The following FRS2 variants were observed in gnomAD, a reference collection of about 807,000 sequenced individuals.
The protein encoded by FRS2 is fibroblast growth factor receptor substrate 2, also known as FGFR signalling adaptor.
FRS2 carries 8 observed loss-of-function variants against 43.9 expected under a neutral mutation model. The observed-to-expected ratio is 0.18, with a 90% CI of 0.11 to 0.33. The LOEUF (loss-of-function observed/expected upper bound fraction) is 0.33. Among genes scored for constraint, FRS2 ranks in the 10% least tolerant of loss-of-function variants. The pLI, the probability that FRS2 is intolerant of heterozygous loss-of-function variation, is 1.00. For synonymous variants in FRS2, 219 were observed against 220.3 expected (o/e 0.99, Z 0.05); for missense variants, 534 against 627.6 (o/e 0.85, Z 1.59).
In FRS2 at chr12:69,574,343, G is replaced by C; in HGVS notation, c.915G>C (p.Val305=). The C allele has an allele frequency of 6.2e-7, 1 of 1,613,988 alleles. No homozygotes were observed. Among genetic ancestry groups the C allele is most frequent in the Non-Finnish European group, 8.5e-7 (1 of 1,179,830 alleles). The change falls in exon 9 of 9, where the codon GTG becomes GTC. Residue 305 remains valine (V), a synonymous_variant. Coordinates refer to ENST00000549921, the MANE Select transcript of FRS2 (RefSeq NM_001278356.2). ...ATGCACCCTCTGTTAACAAACTGGTGTATGAAAATATAAATGGGCTATCTA... is the reference window on the plus strand; with the variant it reads ...ATGCACCCTCTGTTAACAAACTGGTCTATGAAAATATAAATGGGCTATCTA... The part of the protein sequence containing the change: ...RRDAPSVNKL[V]YENINGLSIP...
intron 1 of FRS2, among the ~76,000 whole-genome samples, chr12:69,485,943 A>AT (rs957085995): frequency 3.9e-5 from 6 of 152,134 alleles, no homozygotes; most frequent in African/African-American, 1.4e-4. Context: ...AAAAAATAAC[A>AT]TTTTTTTATT....
chr12:69,474,000 G>A (rs904461293), intron 1 of FRS2, among the ~76,000 whole-genome samples: 1 of 152,072 alleles, frequency 6.6e-6, no homozygotes, highest in Non-Finnish European at 1.5e-5. Flanking sequence ...TCACCACCAC[G>A]CCCAGCTAAC....
chr12:69,571,160 G>A (rs893015203), intron 6 of FRS2, 116 bp from the exon 7 acceptor site: 21 of 600,478 alleles, frequency 3.5e-5, no homozygotes, highest in Admixed American at 2.1e-4. Context: ...ATTTAAAAGG[G>A]ATTTCTGACT....
intron 3 of FRS2, among the ~76,000 whole-genome samples, chr12:69,549,087 C>G (rs766925136): frequency 3.3e-5 from 5 of 152,038 alleles, no homozygotes; most frequent in Non-Finnish European, 7.4e-5. Context: ...AAATGAAGAA[C>G]ATAATTATTT....
intron 4 of FRS2, among the ~76,000 whole-genome samples, chr12:69,565,800 C>T (rs1165742944): frequency 1.3e-5 from 2 of 151,768 alleles, no homozygotes; most frequent in South Asian, 2.1e-4. Flanking sequence ...GAAGGACTTG[C>T]CTGAGGCTGT....
At chr12:69,487,718 T>C (rs1392479625) in intron 1 of FRS2, among the ~76,000 whole-genome samples, 1 of 152,254 alleles carries the variant, frequency 6.6e-6, no homozygotes. Flanking sequence ...GTAGTGATTC[T>C]TCTGATGGAT....
At chr12:69,473,598 T>A (rs1407650262) in intron 1 of FRS2, among the ~76,000 whole-genome samples, 1 of 152,218 alleles carries the variant, frequency 6.6e-6, no homozygotes, top group Non-Finnish European at 1.5e-5. Context: ...TAAGTGCTGC[T>A]TTTAGAAGTT....
At chr12:69,567,699 G>A (rs1203139228) in intron 4 of FRS2, among the ~76,000 whole-genome samples, 1 of 152,164 alleles carries the variant, frequency 6.6e-6, no homozygotes, top group Non-Finnish European at 1.5e-5. Flanking sequence ...GCATCCTAGA[G>A]GAACTGCACT....
At chr12:69,507,916 C>T (rs557863482) in intron 1 of FRS2, among the ~76,000 whole-genome samples, 1 of 149,968 alleles carries the variant, frequency 6.7e-6, no homozygotes, top group South Asian at 2.1e-4. Flanking sequence ...CCCAGCTACT[C>T]AGGAGGCTGA....
chr12:69,553,153 C>T (rs1053245147), intron 3 of FRS2, among the ~76,000 whole-genome samples: 2 of 152,094 alleles, frequency 1.3e-5, no homozygotes, highest in African/African-American at 4.8e-5. Flanking sequence ...CTCACTGCAA[C>T]CTCCGCCTCC....
At chr12:69,529,113 A>G (rs1876540924) in intron 1 of FRS2, among the ~76,000 whole-genome samples, 1 of 152,200 alleles carries the variant, frequency 6.6e-6, no homozygotes, top group Non-Finnish European at 1.5e-5. Flanking sequence ...GAAGAATGAC[A>G]TGATCTGACT....
rs185621125 is a variant in FRS2, at chr12:69,579,474, G to A, written c.*4519G>A. ...TAATTGAATTTAGTTCAAGGGCTAA[G>A]CAACACATTTTTAAATCCTTATTTA... On this transcript the variant is annotated 3_prime_UTR_variant, in exon 9 of 9. Transcript: ENST00000549921. 1 of 152,724 alleles carries A rather than the reference G, an allele frequency of 6.5e-6. No individual in the cohort carries two copies. The highest frequency in any genetic ancestry group is 1.5e-5 in the Non-Finnish European group (1 of 68,018). The allele number at this position is 152,724 out of a possible 1,614,324, so 9.5% of individuals were successfully genotyped here.
chr12:69,549,597 C>G (rs1455272197), intron 3 of FRS2, among the ~76,000 whole-genome samples: 1 of 152,202 alleles, frequency 6.6e-6, no homozygotes, highest in Non-Finnish European at 1.5e-5. Flanking sequence ...GAACTCAGTT[C>G]TTTGTTGGGC....
intron 1 of FRS2, among the ~76,000 whole-genome samples, chr12:69,513,646 A>G (rs1454413899): frequency 6.6e-6 from 1 of 152,146 alleles, no homozygotes; most frequent in Non-Finnish European, 1.5e-5. Flanking sequence ...TAGATATTTT[A>G]CTGAGTTATT....
At chr12:69,558,073 T>C (rs948936733) in intron 3 of FRS2, among the ~76,000 whole-genome samples, 3 of 152,090 alleles carry the variant, frequency 2.0e-5, no homozygotes, top group Non-Finnish European at 4.4e-5. Context: ...ACAAAATACA[T>C]GATTAAAAGG....
chr12:69,493,723 A>G (rs1162279912), intron 1 of FRS2, among the ~76,000 whole-genome samples: 2 of 152,174 alleles, frequency 1.3e-5, no homozygotes, highest in African/African-American at 4.8e-5. Context: ...CTCCGCCTCA[A>G]AAACAAAACA....
intron 1 of FRS2, among the ~76,000 whole-genome samples, chr12:69,506,302 A>G (rs1873922168): frequency 6.6e-6 from 1 of 152,102 alleles, no homozygotes; most frequent in Admixed American, 6.6e-5. Context: ...TATATCCCCA[A>G]AGACTATATT....
chr12:69,479,689 C>G (rs1181543844), intron 1 of FRS2, among the ~76,000 whole-genome samples: 3 of 152,122 alleles, frequency 2.0e-5, no homozygotes, highest in Non-Finnish European at 4.4e-5. Flanking sequence ...AGCCACTGTG[C>G]CTGGACTAAT....
chr12:69,561,466 AG>A (rs1879870294), intron 3 of FRS2, among the ~76,000 whole-genome samples: 1 of 152,212 alleles, frequency 6.6e-6, no homozygotes, highest in Non-Finnish European at 1.5e-5. Context: ...GGTACAGAGT[AG>A]GTTTTCAGTA....
Sources: gnomAD v4.1 joint callset for allele counts (sites outside exome capture counted in the v4.1 genomes callset) on GRCh38, gnomAD v4.1.1 for gene constraint, MANE v1.5 for transcripts, NCBI Gene and HGNC (gene_info 2026-07-23, HGNC 2026-07-21) for gene names.